RASA1: variants seen among roughly 807,000 people sequenced by gnomAD.
RASA1 encodes ras GTPase-activating protein 1.
In RASA1, 25 loss-of-function variants were observed where a neutral mutation model predicts 132.2. That is an observed-to-expected ratio of 0.19 (90% CI 0.14 to 0.26). The LOEUF (loss-of-function observed/expected upper bound fraction) is 0.26, where lower values mean the gene tolerates loss of function less well. Among genes scored for constraint, RASA1 ranks in the 10% least tolerant of loss-of-function variants. The probability of loss-of-function intolerance (pLI) is 1.00; values close to 1 mark genes in which losing one functional copy is unlikely to be tolerated. For synonymous variants in RASA1, 477 were observed against 449.9 expected (o/e 1.06, Z -0.76); for missense variants, 964 against 1,299.2 (o/e 0.74, Z 3.97).
intron 1 of RASA1, among the ~76,000 whole-genome samples, chr5:87,320,424 G>A (rs1756699525): frequency 6.6e-6 from 1 of 152,174 alleles, no homozygotes; most frequent in Admixed American, 6.5e-5. Flanking sequence ...TGAAGAAAAG[G>A]TTTAATTGAC....
rs1271214480 is a variant in RASA1 at position 87,391,800 on chromosome 5, CTTG to C, written c.*922_*924del. 1.7e-5 allele frequency: 4 copies of C among 231,824 alleles called. No homozygotes were observed. The highest frequency in any genetic ancestry group is 4.4e-5 in the African/African-American group (2 of 45,336). The allele number at this position is 231,824 out of a possible 1,614,324, so 14.4% of individuals were successfully genotyped here. A position where few individuals can be genotyped will look rare whatever the true frequency, so the allele number is the denominator to read the frequency against. ...TTATCCATCTTTGAACTTCTGACTA[CTTG>C]TTGTATCTGCTGGATATTTAGTTCA... is the stretch of plus-strand genomic sequence containing the variant. On this transcript the variant is annotated 3_prime_UTR_variant, in exon 25 of 25. Transcript: ENST00000274376.
chr5:87,377,711 G>A (rs1267471237), intron 17 of RASA1, among the ~76,000 whole-genome samples: 3 of 152,078 alleles, frequency 2.0e-5, no homozygotes, highest in Admixed American at 6.6e-5. Flanking sequence ...CAAGCTGCTG[G>A]ACACAGTGCT....
At chr5:87,294,674 GTTAT>G (rs1471163324) in intron 1 of RASA1, among the ~76,000 whole-genome samples, 2 of 152,024 alleles carry the variant, frequency 1.3e-5, no homozygotes, top group South Asian at 2.1e-4. Context: ...CCTATGTTTT[GTTAT>G]TTATTTCTAG....
chr5:87,268,570 C>T lies in RASA1; in HGVS notation c.119C>T (p.Ala40Val), dbSNP rs1292190099. The T allele has an allele frequency of 1.9e-6, 3 of 1,607,446 alleles. No individual in the cohort carries two copies. Among genetic ancestry groups the T allele is most frequent in the Non-Finnish European group, 8.5e-7 (1 of 1,178,062 alleles). Residue 40 changes from alanine to valine, a missense_variant, in exon 1 of 25, where the codon GCG becomes GTG. Ala to Val is a moderately conservative substitution (Grantham distance 64). This residue lies in a region of RASA1 where 326 missense variants were observed against 275.8 expected (regional missense o/e 1.18). Transcript: ENST00000274376. ...YPAVCRVKIP[A>V]ALPVAAAPYP... ...GCAGTGTGTCGGGTGAAGATACCCGCGGCCCTGCCTGTGGCAGCCGCCCCC... is the reference window on the plus strand; with the variant it reads ...GCAGTGTGTCGGGTGAAGATACCCGTGGCCCTGCCTGTGGCAGCCGCCCCC...
At chr5:87,331,546 G>T (rs1419462430) in intron 2 of RASA1, 46 bp downstream of exon 2, 1 of 1,585,102 alleles carries the variant, frequency 6.3e-7, no homozygotes, top group Admixed American at 1.7e-5. Context: ...TAGCTATTTT[G>T]ATATAATATT....
At chr5:87,382,741 T>C (rs1761806677) in intron 20 of RASA1, among the ~76,000 whole-genome samples, 1 of 152,124 alleles carries the variant, frequency 6.6e-6, no homozygotes, top group East Asian at 1.9e-4. Context: ...GCTATTGTTT[T>C]ATAATTTGAC....
chr5:87,279,566 T>C (rs1056364193), intron 1 of RASA1, among the ~76,000 whole-genome samples: 6 of 152,242 alleles, frequency 3.9e-5, no homozygotes, highest in African/African-American at 1.4e-4. Flanking sequence ...TGTTCACTTT[T>C]ATAAGAAATT....
chr5:87,334,933 G>T (rs1757856604), intron 4 of RASA1, among the ~76,000 whole-genome samples: 2 of 152,002 alleles, frequency 1.3e-5, no homozygotes. Flanking sequence ...ACCCAGGCTG[G>T]AGTGCAGTGG....
intron 8 of RASA1, 127 bp from the exon 9 acceptor site, chr5:87,353,030 A>G: frequency 2.9e-6 from 2 of 678,854 alleles, no homozygotes; most frequent in Non-Finnish European, 2.7e-6. Context: ...CTATTAATGT[A>G]TTTGTGTTAT....
At chr5:87,332,737 C>G in intron 3 of RASA1, 95 bp downstream of exon 3, 1 of 1,244,332 alleles carries the variant, frequency 8.0e-7, no homozygotes, top group Non-Finnish European at 1.1e-6. Context: ...TATTATAATT[C>G]AAGAAGTATT....
chr5:87,380,692 T>A (rs1761648643), intron 20 of RASA1, 97 bp downstream of exon 20: 1 of 1,146,786 alleles, frequency 8.7e-7, no homozygotes, highest in Admixed American at 1.7e-5. Context: ...GCTTTTTTCT[T>A]TGGCTTTTAT....
At chr5:87,369,048 G>C (rs1760735503) in intron 11 of RASA1, among the ~76,000 whole-genome samples, 2 of 152,056 alleles carry the variant, frequency 1.3e-5, no homozygotes, top group Admixed American at 6.6e-5. Context: ...TAAGTGTTAA[G>C]CTTGTCCTCT....
chr5:87,286,375 TCCTC>T (rs1754566373), intron 1 of RASA1, among the ~76,000 whole-genome samples: 1 of 152,116 alleles, frequency 6.6e-6, no homozygotes, highest in South Asian at 2.1e-4. Flanking sequence ...ACTGATCTCT[TCCTC>T]AGCCAATTGA....
At chr5:87,338,523 ATATATATATAAAATTTTTT>A (rs1398947733) in intron 5 of RASA1, among the ~76,000 whole-genome samples, 2 of 99,184 alleles carry the variant, frequency 2.0e-5, no homozygotes, top group Admixed American at 2.0e-4. Flanking sequence ...ATATATATAT[ATATATATATAAAATTTTTT>A]TTTTTTTTAA....
At chr5:87,361,640 T>G (rs1760099825) in intron 9 of RASA1, among the ~76,000 whole-genome samples, 1 of 152,164 alleles carries the variant, frequency 6.6e-6, no homozygotes. Context: ...GATATAATTC[T>G]TTTCCTCAGG....
At chr5:87,387,014 CA>C in intron 23 of RASA1, 111 bp downstream of exon 23, 1 of 1,040,194 alleles carries the variant, frequency 9.6e-7, no homozygotes. Flanking sequence ...ACTAAAAAGA[CA>C]AAAAGCCTGC....
chr5:87,350,529 A>G (rs991463927), intron 8 of RASA1, among the ~76,000 whole-genome samples: 52 of 151,748 alleles, frequency 3.4e-4, no homozygotes, highest in African/African-American at 1.2e-3. Flanking sequence ...TCGTTTTGTT[A>G]CTAACTTAAA....
intron 1 of RASA1, among the ~76,000 whole-genome samples, chr5:87,328,962 T>C (rs1486891713): frequency 7.7e-6 from 1 of 130,352 alleles, no homozygotes; most frequent in Non-Finnish European, 1.8e-5. Context: ...AGCTGATGGC[T>C]GGATAATTTA....
intron 13 of RASA1, 64 bp downstream of exon 13, chr5:87,372,259 T>TAAAAA: frequency 6.9e-7 from 1 of 1,447,110 alleles, no homozygotes. Flanking sequence ...GCTCTTTTTA[T>TAAAAA]TTTATTTTTA....
Sources: gnomAD v4.1 joint callset for allele counts (sites outside exome capture counted in the v4.1 genomes callset) on GRCh38, gnomAD v4.1.1 for gene constraint, gnomAD v4.1.1 regional missense constraint, MANE v1.5 for transcripts, NCBI Gene and HGNC (gene_info 2026-07-23, HGNC 2026-07-21) for gene names.